SPON1: variants seen among roughly 807,000 people sequenced by gnomAD.
SPON1 encodes spondin-1.
Under a neutral mutation model 111.7 loss-of-function variants are expected in SPON1, and 52 were observed. The ratio of observed to expected loss-of-function variants is 0.47; its 90% CI spans 0.37 to 0.59. The LOEUF (loss-of-function observed/expected upper bound fraction) is 0.59, where lower values mean the gene tolerates loss of function less well. Ranked by LOEUF, SPON1 falls within the 20% of genes least tolerant of loss-of-function variation. SPON1 has a pLI of 0.00. For missense variants in SPON1, 957 were observed against 1,068.5 expected, an observed-to-expected ratio of 0.90 and a Z score of 1.46; for synonymous variants, 410 against 395.8, an observed-to-expected ratio of 1.04 and a Z score of -0.43.
intron 6 of SPON1, among the ~76,000 whole-genome samples, chr11:14,203,164 A>G (rs1175021510): frequency 6.6e-6 from 1 of 152,228 alleles, no homozygotes; most frequent in Non-Finnish European, 1.5e-5. Flanking sequence ...ATTTCTAAGC[A>G]ACGGAGCAGA....
At chr11:14,007,168 A>C (rs1200904459) in intron 2 of SPON1, among the ~76,000 whole-genome samples, 7 of 152,234 alleles carry the variant, frequency 4.6e-5, no homozygotes, top group Non-Finnish European at 8.8e-5. Flanking sequence ...GATCCCTTGC[A>C]TGTGCAGTTC....
chr11:14,132,411 G>A (rs1554927608), intron 5 of SPON1, among the ~76,000 whole-genome samples: 3 of 152,278 alleles, frequency 2.0e-5, no homozygotes, highest in Admixed American at 6.5e-5. Context: ...TAGGTCCCAC[G>A]CTTGAGGTGC....
chr11:14,071,014 G>T (rs1848871537), intron 3 of SPON1, among the ~76,000 whole-genome samples: 1 of 152,146 alleles, frequency 6.6e-6, no homozygotes, highest in Non-Finnish European at 1.5e-5. Flanking sequence ...TGATAAGAGA[G>T]CATTCAGTAT....
intron 10 of SPON1, among the ~76,000 whole-genome samples, 196 bp downstream of exon 10, chr11:14,256,888 A>G (rs1468399693): frequency 1.3e-5 from 2 of 152,242 alleles, no homozygotes; most frequent in African/African-American, 4.8e-5. Context: ...TGGTGAAGAT[A>G]TGACATCAGA....
At chr11:14,086,931 T>C (rs1391081032) in intron 5 of SPON1, among the ~76,000 whole-genome samples, 2 of 152,162 alleles carry the variant, frequency 1.3e-5, no homozygotes, top group Non-Finnish European at 2.9e-5. Flanking sequence ...AGTTTATTTG[T>C]GTAGAGGTGT....
Position 14,259,778 on chromosome 11 carries a change from C to A in SPON1, c.1831+77C>A. ...AGGGCCATGGCATCCACTATTACCA[C>A]CATAAAGGTCGGAGGCTGAGCAGAG... On this transcript the variant is annotated intron_variant, in intron 13 of 15. Coordinates refer to ENST00000576479, the MANE Select transcript of SPON1 (RefSeq NM_006108.4). The surrounding 1 kb of genome is among the most constrained non-coding windows in gnomAD (Gnocchi z 5.0). 6.9e-7 allele frequency: 1 copy of A among 1,451,278 alleles called. No individual in the cohort carries two copies. The highest frequency in any genetic ancestry group is 2.0e-4 in the Middle Eastern group (1 of 5,086). 89.9% of individuals were successfully genotyped at this position (1,451,278 alleles called of 1,614,324 possible). A position where few individuals can be genotyped will look rare whatever the true frequency, so the allele number is the denominator to read the frequency against.
At position 14,236,464 on chromosome 11, in the gene SPON1, C is replaced by T. The variant is rs140372990; in HGVS notation, c.826-6868C>T. On this transcript the variant is annotated intron_variant, in intron 6 of 15. Coordinates refer to ENST00000576479, the MANE Select transcript of SPON1 (RefSeq NM_006108.4). ...AGGCACGTTGTTGAGTTTGAGATGC[C>T]ACTTAGATACCCAGATGAAAATGTT... Among the ~76,000 whole-genome samples the T allele has an allele frequency of 3.7e-3, 562 of 152,160 alleles. 1 individual carries two copies. Among genetic ancestry groups the T allele is most frequent in the Non-Finnish European group, 5.4e-3 (370 of 67,998 alleles).
intron 2 of SPON1, among the ~76,000 whole-genome samples, chr11:14,029,151 G>A (rs1322078533): frequency 2.6e-5 from 4 of 152,002 alleles, no homozygotes; most frequent in African/African-American, 9.7e-5. Flanking sequence ...ACACAAGCAT[G>A]TGTGTGCCCA....
intron 3 of SPON1, among the ~76,000 whole-genome samples, chr11:14,066,694 C>T (rs1052621966): frequency 2.0e-5 from 3 of 152,108 alleles, no homozygotes; most frequent in Non-Finnish European, 4.4e-5. Context: ...AACTCCTACT[C>T]ACAACCCCCA....
At chr11:14,063,245 G>T (rs1554920042) in intron 3 of SPON1, among the ~76,000 whole-genome samples, 1 of 152,096 alleles carries the variant, frequency 6.6e-6, no homozygotes, top group African/African-American at 2.4e-5. Flanking sequence ...AGACGCTCCA[G>T]AATGATTCCC....
intron 2 of SPON1, among the ~76,000 whole-genome samples, chr11:14,027,523 G>A (rs1554915505): frequency 6.6e-6 from 1 of 152,142 alleles, no homozygotes; most frequent in African/African-American, 2.4e-5. Context: ...ACAGTGACTG[G>A]GACACAGAAG....
At chr11:14,202,902 T>C (rs1332532260) in intron 6 of SPON1, among the ~76,000 whole-genome samples, 4 of 152,162 alleles carry the variant, frequency 2.6e-5, no homozygotes, top group African/African-American at 9.7e-5. Context: ...CAGATTCATC[T>C]GGAAACTATG....
At chr11:14,158,945 G>A (rs10832214) in intron 6 of SPON1, among the ~76,000 whole-genome samples, 27 of 151,796 alleles carry the variant, frequency 1.8e-4, no homozygotes, top group Admixed American at 6.6e-4. Context: ...AGAACTGTAC[G>A]TCTGTCTGCA....
intron 3 of SPON1, among the ~76,000 whole-genome samples, chr11:14,044,080 G>A (rs1267133555): frequency 3.3e-5 from 5 of 151,976 alleles, no homozygotes; most frequent in Non-Finnish European, 7.4e-5. Context: ...GAGGAGACAG[G>A]CCCTGGGGAT....
At chr11:14,161,021 A>ATATATT (rs1564919904) in intron 6 of SPON1, among the ~76,000 whole-genome samples, 10 of 36,496 alleles carry the variant, frequency 2.7e-4, no homozygotes, top group African/African-American at 1.0e-3. Context: ...TTATATATCT[A>ATATATT]TATATATTTA....
intron 6 of SPON1, among the ~76,000 whole-genome samples, chr11:14,152,234 C>T (rs1266461232): frequency 2.0e-5 from 3 of 152,214 alleles, no homozygotes; most frequent in Non-Finnish European, 4.4e-5. Flanking sequence ...CAGAGGGACT[C>T]CTTTAGCAAA....
intron 3 of SPON1, among the ~76,000 whole-genome samples, chr11:14,042,341 C>T (rs781793504): frequency 2.0e-5 from 3 of 151,888 alleles, no homozygotes; most frequent in Non-Finnish European, 4.4e-5. Flanking sequence ...TACTAGATAC[C>T]CTTCTTACAG....
intron 2 of SPON1, among the ~76,000 whole-genome samples, chr11:13,993,149 CA>C (rs1217417518): frequency 6.6e-6 from 1 of 151,984 alleles, no homozygotes; most frequent in African/African-American, 2.4e-5. Flanking sequence ...ACAAACACAA[CA>C]AAAGCAAATT....
intron 3 of SPON1, among the ~76,000 whole-genome samples, chr11:14,056,985 A>G (rs868993187): frequency 6.6e-6 from 1 of 152,190 alleles, no homozygotes; most frequent in Non-Finnish European, 1.5e-5. Context: ...TCATACACTT[A>G]TAAGAGCACT....
Sources: gnomAD v4.1 joint callset for allele counts (sites outside exome capture counted in the v4.1 genomes callset) on GRCh38, gnomAD v4.1.1 for gene constraint, Gnocchi (gnomAD v3.1) non-coding constraint, MANE v1.5 for transcripts, NCBI Gene and HGNC (gene_info 2026-07-23, HGNC 2026-07-21) for gene names.